CORO1C: variants seen among roughly 807,000 people sequenced by gnomAD.
CORO1C encodes the protein coronin-1C.
Under a neutral mutation model 51.2 loss-of-function variants are expected in CORO1C, and 14 were observed. The ratio of observed to expected loss-of-function variants is 0.27; its 90% confidence interval spans 0.18 to 0.43. CORO1C has a LOEUF of 0.43. Ranked by LOEUF, CORO1C falls within the 20% of genes least tolerant of loss-of-function variation. The pLI is 1.00. For missense variants in CORO1C, 417 were observed against 607.8 expected, an observed-to-expected ratio of 0.69 and a Z score of 3.30; for synonymous variants, 181 against 210.5, an observed-to-expected ratio of 0.86 and a Z score of 1.21.
intron 3 of CORO1C, among the ~76,000 whole-genome samples, chr12:108,674,027 AG>A (rs1016208942): frequency 3.7e-4 from 56 of 152,274 alleles, no homozygotes; most frequent in African/African-American, 1.2e-3. Context: ...ACCACCGATC[AG>A]GAAAAAAAAA....
chr12:108,678,465 A>G, intron 2 of CORO1C, 71 bp from the exon 3 acceptor site: 1 of 1,297,544 alleles, frequency 7.7e-7, no homozygotes, highest in South Asian at 1.9e-5. Flanking sequence ...TCTCAGGCCC[A>G]TTTCTCATTT....
intron 2 of CORO1C, 45 bp downstream of exon 2, chr12:108,701,079 G>A (rs763896814): frequency 6.3e-7 from 1 of 1,584,898 alleles, no homozygotes; most frequent in East Asian, 2.2e-5. Context: ...AAAGTATGGA[G>A]ACTATCAGAG....
At chr12:108,656,335 T>TG (rs768721967) in intron 6 of CORO1C, among the ~76,000 whole-genome samples, 174 of 42,364 alleles carry the variant, frequency 4.1e-3, no homozygotes, top group Non-Finnish European at 5.2e-3. Context: ...GGGAGGGAGG[T>TG]GGGGGGTCAG....
rs180972792 is a variant in CORO1C at position 108,685,082 on chromosome 12, T to C, written c.196-6688A>G. ...GCTTTTATTCAAACACAAAGCAATTTTGAGGGGAATCTGGAAGTACTAGCA... is the reference window on the plus strand; with the variant it reads ...GCTTTTATTCAAACACAAAGCAATTCTGAGGGGAATCTGGAAGTACTAGCA... On this transcript the variant is annotated intron_variant, in intron 2 of 10. Coordinates refer to ENST00000261401, the MANE Select transcript of CORO1C (RefSeq NM_014325.4). 1.0e-3 allele frequency among the ~76,000 whole-genome samples: 153 copies of C among 152,302 alleles called. 1 individual carries two copies. The highest frequency in any genetic ancestry group is 1.7e-3 in the Non-Finnish European group (117 of 68,026).
intron 1 of CORO1C, chr12:108,730,474 T>A (rs1435301481): frequency 2.6e-5 from 4 of 152,368 alleles, no homozygotes; most frequent in Non-Finnish European, 5.9e-5. Flanking sequence ...CGTGCGCCGG[T>A]GGGGACAGGC....
chr12:108,696,638 A>G (rs1197952468), intron 2 of CORO1C, among the ~76,000 whole-genome samples: 1 of 152,226 alleles, frequency 6.6e-6, no homozygotes, highest in Non-Finnish European at 1.5e-5. Context: ...GCAAGAAAAA[A>G]AAGTATTCCT....
chr12:108,722,263 G>A lies in CORO1C; in HGVS notation c.-6+9166C>T, dbSNP rs536892067. Among the ~76,000 whole-genome samples the A allele has an allele frequency of 7.2e-5, 11 of 152,284 alleles. No individual in the cohort carries two copies. The East Asian group carries it at 1.3e-3, about 19-fold the overall frequency. On this transcript the variant is annotated intron_variant, in intron 1 of 10. Transcript: ENST00000261401. ...AGTCATCCCAACCCTGAATAACAGC[G>A]GTAGTCTAGCAGGGAAATGAATTTG...
chr12:108,727,370 C>T (rs539754655), intron 1 of CORO1C, among the ~76,000 whole-genome samples: 33 of 152,216 alleles, frequency 2.2e-4, no homozygotes, highest in African/African-American at 6.5e-4. Context: ...AGTAGAAAGG[C>T]GATGAAGTAA....
In CORO1C at chr12:108,658,698, A is replaced by G; in HGVS notation, c.630+40T>C. ...AAAGCAGAAAGCTCACACTCACTCAAGTGCTCCAACTACTGAGTTTTCATC... is the reference window on the plus strand; with the variant it reads ...AAAGCAGAAAGCTCACACTCACTCAGGTGCTCCAACTACTGAGTTTTCATC... On this transcript the variant is annotated intron_variant, in intron 5 of 10. Transcript: ENST00000261401. The surrounding 1 kb of genome is among the most constrained non-coding windows in gnomAD (Gnocchi z 4.9). 1 of 1,590,988 alleles carries G rather than the reference A, an allele frequency of 6.3e-7. No homozygotes were observed. Among genetic ancestry groups the G allele is most frequent in the South Asian group, 1.1e-5 (1 of 90,394 alleles).
chr12:108,650,223 C>G (rs1235495183), intron 8 of CORO1C, among the ~76,000 whole-genome samples: 1 of 123,424 alleles, frequency 8.1e-6, no homozygotes, highest in Admixed American at 1.1e-4. Flanking sequence ...GGGTCTTGCT[C>G]CATCGCCCAG....
At chr12:108,702,255 A>T (rs1162336332) in intron 1 of CORO1C, among the ~76,000 whole-genome samples, 1 of 152,088 alleles carries the variant, frequency 6.6e-6, no homozygotes, top group Admixed American at 6.5e-5. Flanking sequence ...GGACCTAGGA[A>T]AGGAAAAATG....
chr12:108,688,859 G>A (rs547003557), intron 2 of CORO1C, among the ~76,000 whole-genome samples: 3 of 152,170 alleles, frequency 2.0e-5, no homozygotes, highest in African/African-American at 7.2e-5. Flanking sequence ...GTGAAATCTC[G>A]TCTCTACTAA....
chr12:108,689,154 C>T (rs754013840), intron 2 of CORO1C, among the ~76,000 whole-genome samples: 3 of 152,002 alleles, frequency 2.0e-5, no homozygotes, highest in Admixed American at 6.6e-5. Context: ...GAGCTGAGAT[C>T]GCACCACTGC....
chr12:108,713,623 G>C (rs2035245996), intron 1 of CORO1C, among the ~76,000 whole-genome samples: 1 of 152,178 alleles, frequency 6.6e-6, no homozygotes, highest in African/African-American at 2.4e-5. Context: ...GAGTTCCAAA[G>C]CTCATCAATT....
chr12:108,686,105 AAAGATGAG>A (rs2034285536), intron 2 of CORO1C, among the ~76,000 whole-genome samples: 1 of 152,252 alleles, frequency 6.6e-6, no homozygotes, highest in Admixed American at 6.5e-5. Context: ...CTTATATGGT[AAAGATGAG>A]GAAACATCAT....
chr12:108,677,364 C>T (rs1403281130), intron 3 of CORO1C, among the ~76,000 whole-genome samples: 3 of 152,280 alleles, frequency 2.0e-5, no homozygotes, highest in African/African-American at 7.2e-5. Context: ...CACACATAAC[C>T]TACTTTTGGA....
chr12:108,677,668 C>T (rs1301466012), intron 3 of CORO1C, among the ~76,000 whole-genome samples: 1 of 152,202 alleles, frequency 6.6e-6, no homozygotes, highest in Non-Finnish European at 1.5e-5. Flanking sequence ...TACAGAATTA[C>T]TGAAAAGTCA....
chr12:108,660,460 A>C (rs1364728540), intron 4 of CORO1C, among the ~76,000 whole-genome samples: 1 of 151,238 alleles, frequency 6.6e-6, no homozygotes, highest in Non-Finnish European at 1.5e-5. Context: ...TCAAAAAAAA[A>C]AAAAAAAAAA....
intron 5 of CORO1C, 107 bp from the exon 6 acceptor site, chr12:108,657,530 T>C (rs1324573025): frequency 1.1e-5 from 14 of 1,237,410 alleles, no homozygotes; most frequent in Non-Finnish European, 1.1e-5. Flanking sequence ...CATGTTCACC[T>C]GGGTGTGGGA....
Sources: allele counts gnomAD v4.1 joint callset (sites outside exome capture counted in the v4.1 genomes callset), GRCh38; gene constraint gnomAD v4.1.1; non-coding constraint Gnocchi (gnomAD v3.1); transcripts MANE v1.5; gene names NCBI Gene and HGNC (gene_info 2026-07-23, HGNC 2026-07-21).